The following CDH12 variants were observed in gnomAD, a reference collection of about 807,000 sequenced individuals.
The protein encoded by CDH12 is cadherin 12.
Under a neutral mutation model 74.1 loss-of-function variants are expected in CDH12, and 41 were observed. The ratio of observed to expected loss-of-function variants is 0.55; its 90% CI spans 0.43 to 0.72. The LOEUF (loss-of-function observed/expected upper bound fraction) is 0.72. CDH12 is among the 30% of genes least tolerant of loss of function. CDH12 has a pLI of 0.00. For missense variants in CDH12, 945 were observed against 977.2 expected (o/e 0.97, Z 0.44); for synonymous variants, 399 against 355.0 (o/e 1.12, Z -1.39).
chr5:22,232,234 C>G (rs1365727086), intron 3 of CDH12, among the ~76,000 whole-genome samples: 1 of 151,560 alleles, frequency 6.6e-6, no homozygotes, highest in Non-Finnish European at 1.5e-5. Flanking sequence ...GATTTGGAAA[C>G]AATAGAAAAC....
At chr5:22,164,481 G>A (rs1748561688) in intron 4 of CDH12, among the ~76,000 whole-genome samples, 1 of 152,194 alleles carries the variant, frequency 6.6e-6, no homozygotes, top group Non-Finnish European at 1.5e-5. Flanking sequence ...GAGGGTCTGT[G>A]ACGGCGGCAA....
intron 3 of CDH12, among the ~76,000 whole-genome samples, chr5:22,291,733 T>C (rs1374951077): frequency 6.6e-6 from 1 of 152,106 alleles, no homozygotes; most frequent in African/African-American, 2.4e-5. Context: ...ATGTCTTGTG[T>C]TCATGGATTG....
At chr5:21,970,588 C>G (rs1467270929) in intron 6 of CDH12, among the ~76,000 whole-genome samples, 1 of 151,912 alleles carries the variant, frequency 6.6e-6, no homozygotes, top group Non-Finnish European at 1.5e-5. Flanking sequence ...GTCCTTAACA[C>G]CAGCACTTTG....
chr5:21,794,000 A>T (rs1178633733), intron 10 of CDH12, among the ~76,000 whole-genome samples: 2 of 151,016 alleles, frequency 1.3e-5, no homozygotes, highest in Admixed American at 6.6e-5. Flanking sequence ...TAATTTAAAA[A>T]TTTTTCTTGA....
chr5:21,899,264 GTACACATTAGCTT>G (rs1753272408), intron 6 of CDH12, among the ~76,000 whole-genome samples: 1 of 152,178 alleles, frequency 6.6e-6, no homozygotes, highest in Non-Finnish European at 1.5e-5. Context: ...AAATCTTTAT[GTACACATTAGCTT>G]TATTCCTGGT....
chr5:22,152,848 G>A (rs921965060), intron 4 of CDH12, among the ~76,000 whole-genome samples: 7 of 152,164 alleles, frequency 4.6e-5, no homozygotes, highest in African/African-American at 7.2e-5. Context: ...GCTTTCAAGA[G>A]TGAGATATTG....
intron 4 of CDH12, among the ~76,000 whole-genome samples, chr5:22,117,208 A>G (rs1370174723): frequency 6.6e-6 from 1 of 150,696 alleles, no homozygotes; most frequent in African/African-American, 2.4e-5. Flanking sequence ...TGAAATATTG[A>G]TTTCACTTCT....
At chr5:22,198,871 T>TTTTTA (rs1750767154) in intron 4 of CDH12, among the ~76,000 whole-genome samples, 1 of 139,862 alleles carries the variant, frequency 7.1e-6, no homozygotes, top group East Asian at 2.3e-4. Context: ...AAACCCGACA[T>TTTTTA]TTTTTATTTT....
chr5:22,654,090 T>C (rs1390163244), intron 1 of CDH12, among the ~76,000 whole-genome samples: 1 of 146,104 alleles, frequency 6.8e-6, no homozygotes, highest in Non-Finnish European at 1.5e-5. Flanking sequence ...TCCCCTTCCT[T>C]TCTTCCTTCC....
intron 4 of CDH12, among the ~76,000 whole-genome samples, chr5:22,197,134 A>G (rs1750664228): frequency 6.6e-6 from 1 of 152,128 alleles, no homozygotes; most frequent in South Asian, 2.1e-4. Context: ...AGGGGCCTTC[A>G]ATACCTCAAC....
At chr5:21,773,350 C>T (rs1745424206) in intron 11 of CDH12, among the ~76,000 whole-genome samples, 1 of 152,112 alleles carries the variant, frequency 6.6e-6, no homozygotes, top group East Asian at 1.9e-4. Flanking sequence ...ACCCTCAATT[C>T]AGGTGGGCCT....
At chr5:22,786,341 T>C (rs1222239078) in intron 1 of CDH12, among the ~76,000 whole-genome samples, 1 of 152,182 alleles carries the variant, frequency 6.6e-6, no homozygotes, top group African/African-American at 2.4e-5. Flanking sequence ...ACATACTGTG[T>C]GGGGAAGAAG....
At chr5:22,746,966 A>C (rs1275227272) in intron 1 of CDH12, among the ~76,000 whole-genome samples, 4 of 152,148 alleles carry the variant, frequency 2.6e-5, no homozygotes, top group Non-Finnish European at 5.9e-5. Context: ...CAAGATAAAA[A>C]CTTTAAAAAT....
chr5:21,993,777 C>A (rs1006192971), intron 5 of CDH12, among the ~76,000 whole-genome samples: 15 of 151,758 alleles, frequency 9.9e-5, no homozygotes, highest in African/African-American at 3.6e-4. Context: ...TTTTTGCCTG[C>A]AGAACTGTGA....
intron 1 of CDH12, among the ~76,000 whole-genome samples, chr5:22,841,688 C>A (rs533227131): frequency 6.6e-6 from 1 of 152,062 alleles, no homozygotes. Context: ...GCTAGTGAGG[C>A]AAAAGGTAAA....
intron 1 of CDH12, among the ~76,000 whole-genome samples, chr5:22,617,322 G>A (rs1737742058): frequency 6.6e-6 from 1 of 151,994 alleles, no homozygotes; most frequent in African/African-American, 2.4e-5. Context: ...AGACTTCCCA[G>A]CCTCTGAGAA....
rs539519945 is a variant in CDH12 at position 21,796,487 on chromosome 5, G to C, written c.1256+5680C>G. Among the ~76,000 whole-genome samples, 846 of 152,098 alleles carry C rather than the reference G, an allele frequency of 5.6e-3. 10 individuals carry two copies. Among genetic ancestry groups the C allele is most frequent in the African/African-American group, 0.02 (815 of 41,534 alleles). On this transcript the variant is annotated intron_variant, in intron 10 of 14. Coordinates refer to ENST00000382254, the MANE Select transcript of CDH12 (RefSeq NM_004061.5). Reference sequence around the variant, plus strand: ...AAAACATTGTAAGATGAATCTTTATGAGTCGGGGAACAATCTGTACACTTT... The same window carrying C: ...AAAACATTGTAAGATGAATCTTTATCAGTCGGGGAACAATCTGTACACTTT...
intron 1 of CDH12, among the ~76,000 whole-genome samples, chr5:22,779,713 C>T (rs192761912): frequency 6.6e-6 from 1 of 152,234 alleles, no homozygotes; most frequent in Non-Finnish European, 1.5e-5. Context: ...TGCGTTCTAA[C>T]TCCTGTCCCC....
rs1026211473 is a variant in CDH12, at chr5:21,905,347, T to C, written c.527-50557A>G. Among the ~76,000 whole-genome samples the C allele has an allele frequency of 1.5e-4, 23 of 152,230 alleles. 1 individual carries two copies. The highest frequency in any genetic ancestry group is 4.6e-4 in the Admixed American group (7 of 15,274). The stretch of plus-strand genomic sequence containing the variant: ...GGGAGAATCCCTCCAATTGTGACGA[T>C]ACCTTAATTTTAGCACGAACTTTTG... On this transcript the variant is annotated intron_variant, in intron 6 of 14. Transcript: ENST00000382254.
Sources: gnomAD v4.1 joint callset for allele counts (sites outside exome capture counted in the v4.1 genomes callset) on GRCh38, gnomAD v4.1.1 for gene constraint, MANE v1.5 for transcripts, NCBI Gene and HGNC (gene_info 2026-07-23, HGNC 2026-07-21) for gene names.